Variants in APOB observed in about 807,000 individuals in gnomAD.
The protein encoded by APOB is apolipoprotein B.
In APOB, 153 loss-of-function variants were observed where a neutral mutation model predicts 314.1. That is an observed-to-expected ratio of 0.49 (90% confidence interval 0.43 to 0.56). The LOEUF (loss-of-function observed/expected upper bound fraction) is 0.56, where lower values mean the gene tolerates loss of function less well. Ranked by LOEUF, APOB falls within the 20% of genes least tolerant of loss-of-function variation. The probability of loss-of-function intolerance (pLI) is 0.00; values close to 1 mark genes in which losing one functional copy is unlikely to be tolerated. For missense variants in APOB, 5,430 were observed against 5,350.7 expected, an observed-to-expected ratio of 1.01 and a Z score of -0.46; for synonymous variants, 2,087 against 2,036.4, an observed-to-expected ratio of 1.02 and a Z score of -0.67.
chr2:21,023,814 T>C, intron 16 of APOB, 122 bp from the exon 17 acceptor site: 1 of 790,208 alleles, frequency 1.3e-6, no homozygotes, highest in Non-Finnish European at 1.9e-6. Flanking sequence ...GACTAGCATA[T>C]TTTGATGAGC....
At chr2:21,030,741 C>T (rs1311584346) in intron 10 of APOB, among the ~76,000 whole-genome samples, 2 of 151,044 alleles carry the variant, frequency 1.3e-5, no homozygotes, top group African/African-American at 4.8e-5. Context: ...GCAATTCAAA[C>T]AACTCAACAA....
chr2:21,008,904 G>C lies in APOB; in HGVS notation c.7964C>G (p.Thr2655Ser), dbSNP rs148987924. 1.7e-5 allele frequency: 27 copies of C among 1,614,074 alleles called. No individual in the cohort carries two copies. The highest frequency in any genetic ancestry group is 2.3e-5 in the Non-Finnish European group (27 of 1,179,934). ...AATTGTAAAGGAAGGAATGTGGAAG[G>C]TGTTAAGGATGGTAAATTCTGGTGT... ...FSTPEFTILNTFHIPSFTIDF... is the reference protein window; with the variant it reads ...FSTPEFTILNSFHIPSFTIDF... The change falls in exon 26 of 29, where the codon ACC (threonine) becomes AGC (serine). Residue 2655 changes from threonine to serine, a missense_variant. This residue lies in a region of APOB where 3,281 missense variants were observed against 3,171.0 expected (regional missense o/e 1.03). Coordinates refer to ENST00000233242, the MANE Select transcript of APOB (RefSeq NM_000384.3).
intron 23 of APOB, 110 bp downstream of exon 23, chr2:21,014,963 A>G: frequency 8.6e-7 from 1 of 1,167,348 alleles, no homozygotes; most frequent in Non-Finnish European, 1.3e-6. Flanking sequence ...CCTGGGGGGA[A>G]GGAAGCATGC....
At position 21,006,651 on chromosome 2, in the gene APOB, A is replaced by G. The variant is rs1200676121; in HGVS notation, c.10217T>C (p.Val3406Ala). Residue 3406 changes from valine (V) to alanine (A), a missense_variant, in exon 26 of 29, where the codon GTG becomes GCG. By Grantham distance (64) the Val-to-Ala change is moderately conservative. Around this residue, in one of 3 missense-constraint regions of APOB, gnomAD observed 3,281 missense variants for 3,171.0 expected, o/e 1.03. Coordinates refer to ENST00000233242, the MANE Select transcript of APOB (RefSeq NM_000384.3). ...CACAGTACTGTTATGACTACCCTCCACAAATTTGTTGCTCAGAGACAGAGC... is the reference window on the plus strand; with the variant it reads ...CACAGTACTGTTATGACTACCCTCCGCAAATTTGTTGCTCAGAGACAGAGC... ...ATALSLSNKF[V>A]EGSHNSTVSL... The G allele has an allele frequency of 6.2e-7, 1 of 1,614,090 alleles. No individual in the cohort carries two copies. The highest frequency in any genetic ancestry group is 1.1e-5 in the South Asian group (1 of 91,084).
chr2:21,025,145 T>C, intron 15 of APOB, 21 bp from the exon 16 acceptor site: 1 of 1,610,732 alleles, frequency 6.2e-7, no homozygotes, highest in Non-Finnish European at 8.5e-7. Flanking sequence ...AGTAATAAAA[T>C]GGCCAGTGAG....
At chr2:21,029,533 C>G (rs1663825177) in intron 12 of APOB, 106 bp downstream of exon 12, 2 of 1,268,956 alleles carry the variant, frequency 1.6e-6, no homozygotes, top group Admixed American at 1.7e-5. Context: ...AGGAAAGAAA[C>G]AGCAGAATAA....
chr2:21,025,151 G>T, intron 15 of APOB, 27 bp from the exon 16 acceptor site: 1 of 1,606,576 alleles, frequency 6.2e-7, no homozygotes, highest in Non-Finnish European at 8.5e-7. Context: ...AAAATGGCCA[G>T]TGAGATGTCA....
At position 21,011,954 on chromosome 2, in the gene APOB, A is replaced by T. The variant is rs899936604; in HGVS notation, c.4914T>A (p.Ser1638Arg). Residue 1638 changes from serine (S) to arginine (R), a missense_variant, in exon 26 of 29, where the codon AGT (serine) becomes AGA (arginine). By Grantham distance (110) the Ser-to-Arg change is moderately radical. This residue lies in a region of APOB where 2,085 missense variants were observed against 2,079.7 expected (regional missense o/e 1.00). Coordinates refer to ENST00000233242, the MANE Select transcript of APOB (RefSeq NM_000384.3). The stretch of plus-strand genomic sequence containing the variant: ...TCCTTAGTGTCGCCTTGTGAGCACC[A>T]CTATTAATTTTGTCAGTGCCTAAGA... Reference protein sequence around the residue: ...ADILGTDKINSGAHKATLRIG... With the variant: ...ADILGTDKINRGAHKATLRIG... 2 of 1,614,060 alleles carry T rather than the reference A, an allele frequency of 1.2e-6. No individual in the cohort carries two copies. The highest frequency in any genetic ancestry group is 2.7e-5 in the African/African-American group (2 of 75,038).
rs1354518734 is a variant in APOB, at chr2:21,038,098, G to C, written c.397C>G (p.Leu133Val). The change falls in exon 5 of 29, where the codon CTG becomes GTG. Residue 133 changes from leucine (L) to valine (V), a missense_variant. Physicochemically the swap from Leu to Val is conservative, Grantham distance 32 (BLOSUM62 1). Coordinates refer to ENST00000233242, the MANE Select transcript of APOB (RefSeq NM_000384.3). Reference sequence around the variant, plus strand: ...ACCTGCTTCCCTTCTGGAATGGCCAGCTTGAGCTCATACCTGTCCCAGAGA... The same window carrying C: ...ACCTGCTTCCCTTCTGGAATGGCCACCTTGAGCTCATACCTGTCCCAGAGA... ...AAAMSRYELK[L>V]AIPEGKQVFL... is the part of the protein sequence containing the mutation. 1 of 1,614,036 alleles carries C rather than the reference G, an allele frequency of 6.2e-7. No homozygotes were observed. Among genetic ancestry groups the C allele is most frequent in the Non-Finnish European group, 8.5e-7 (1 of 1,180,038 alleles).
chr2:21,008,536 C>T lies in APOB; in HGVS notation c.8332G>A (p.Gly2778Arg). 2 of 1,614,080 alleles carry T rather than the reference C, an allele frequency of 1.2e-6. No individual in the cohort carries two copies. Among genetic ancestry groups the T allele is most frequent in the African/African-American group, 2.7e-5 (2 of 75,010 alleles). The change falls in exon 26 of 29, where the codon GGG (glycine) becomes AGG (arginine). Residue 2778 changes from glycine to arginine, a missense_variant. Gly to Arg is a moderately radical substitution (Grantham distance 125, BLOSUM62 -2). Coordinates refer to ENST00000233242, the MANE Select transcript of APOB (RefSeq NM_000384.3). ...TCGTTTGCTGAGGTGGTTCCATTCC[C>T]TATGTCAGCATTTGCATCTAATGTG... ...LFTLDANADI[G>R]NGTTSANEAG...
chr2:21,013,365 G>C lies in APOB; in HGVS notation c.4011C>G (p.Val1337=). 6.2e-7 allele frequency: 1 copy of C among 1,614,216 alleles called. No individual in the cohort carries two copies. The highest frequency in any genetic ancestry group is 8.5e-7 in the Non-Finnish European group (1 of 1,180,042). ...GFHLPSREFQ[V]PTFTIPKLYQ... The stretch of plus-strand genomic sequence containing the variant: ...ACAACTTGGGAATGGTAAAAGTAGG[G>C]ACTTGGAACTCTCGAGATGGCAGAT... The change falls in exon 25 of 29, where the codon GTC becomes GTG. Residue 1337 remains valine, a synonymous_variant. Coordinates refer to ENST00000233242, the MANE Select transcript of APOB (RefSeq NM_000384.3).
Position 21,005,680 on chromosome 2 carries a change from A to G in APOB, c.11188T>C (p.Phe3730Leu), listed in dbSNP as rs1558560806. 2 of 1,613,990 alleles carry G rather than the reference A, an allele frequency of 1.2e-6. No individual in the cohort carries two copies. The highest frequency in any genetic ancestry group is 1.7e-6 in the Non-Finnish European group (2 of 1,179,970). ...TTTAGTTTCAGCCCAGGAATAATGAATTTATCAGCCAAAACTTTTACAGGG... is the reference window on the plus strand; with the variant it reads ...TTTAGTTTCAGCCCAGGAATAATGAGTTTATCAGCCAAAACTTTTACAGGG... ...SIPVKVLADKFIIPGLKLNDL... is the reference protein window; with the variant it reads ...SIPVKVLADKLIIPGLKLNDL... Residue 3730 changes from phenylalanine (F) to leucine (L), a missense_variant, in exon 26 of 29, where the codon TTC becomes CTC. By Grantham distance (22) the Phe-to-Leu change is conservative. Coordinates refer to ENST00000233242, the MANE Select transcript of APOB (RefSeq NM_000384.3).
Position 21,013,475 on chromosome 2 carries a change from G to A in APOB, c.3901C>T (p.Pro1301Ser). ...TCTCTGGAGGATTTGCCACCAAAAGGCAAAGGAATCTCAATTTTCAAACTG... is the reference window on the plus strand; with the variant it reads ...TCTCTGGAGGATTTGCCACCAAAAGACAAAGGAATCTCAATTTTCAAACTG... The part of the protein sequence containing the change: ...KNSLKIEIPL[P>S]FGGKSSRDLK... Residue 1301 changes from proline to serine, a missense_variant, in exon 25 of 29, where the codon CCT becomes TCT. This residue lies in a region of APOB where 2,085 missense variants were observed against 2,079.7 expected (regional missense o/e 1.00). Transcript: ENST00000233242. 1.2e-6 allele frequency: 2 copies of A among 1,614,176 alleles called. No individual in the cohort carries two copies. Among genetic ancestry groups the A allele is most frequent in the Non-Finnish European group, 1.7e-6 (2 of 1,180,014 alleles).
In APOB at chr2:21,005,477, T is replaced by C. The variant is rs140002021; in HGVS notation, c.11391A>G (p.Leu3797=). Reference sequence around the variant, plus strand: ...AGTCTTCTGGTTGAGAATATTTTGTTAACACATCAACTTCAGGGAATTTTA... The same window carrying C: ...AGTCTTCTGGTTGAGAATATTTTGTCAACACATCAACTTCAGGGAATTTTA... The part of the protein sequence containing the change: ...PEVKFPEVDV[L]TKYSQPEDSL... The change falls in exon 26 of 29, where the codon TTA becomes TTG. Residue 3797 remains leucine, a synonymous_variant. Coordinates refer to ENST00000233242, the MANE Select transcript of APOB (RefSeq NM_000384.3). 3.8e-5 allele frequency: 62 copies of C among 1,613,972 alleles called. No individual in the cohort carries two copies. Among genetic ancestry groups the C allele is most frequent in the Non-Finnish European group, 4.7e-5 (55 of 1,179,976 alleles).
At position 21,010,470 on chromosome 2, in the gene APOB, C is replaced by T. The variant is rs1663276802; in HGVS notation, c.6398G>A (p.Arg2133Lys). Residue 2133 changes from arginine to lysine, a missense_variant, in exon 26 of 29, where the codon AGA becomes AAA. Transcript: ENST00000233242. ...NDYLNSFNWE[R>K]QVSHAKEKLT... ...TTTCTCCTTGGCATGTGAAACTTGT[C>T]TCTCCCAATTGAATGAATTCAGATA... 1 of 1,610,656 alleles carries T rather than the reference C, an allele frequency of 6.2e-7. No individual in the cohort carries two copies. The highest frequency in any genetic ancestry group is 8.5e-7 in the Non-Finnish European group (1 of 1,177,552).
chr2:21,028,622 GCTCTTTCTTAAGCACAGGTCTAATTTCTC>G, intron 12 of APOB, 84 bp from the exon 13 acceptor site: 1 of 937,500 alleles, frequency 1.1e-6, no homozygotes, highest in Non-Finnish European at 1.7e-6. Context: ...TTGTCTGCTA[GCTCTTTCTTAAGCACAGGTCTAATTTCTC>G]TGTAATCGTT....
chr2:21,008,171 G>C lies in APOB; in HGVS notation c.8697C>G (p.Asp2899Glu), dbSNP rs1663202973. Residue 2899 changes from aspartate (D) to glutamate (E), a missense_variant, in exon 26 of 29, where the codon GAC (aspartate) becomes GAG (glutamate). Asp to Glu is a conservative substitution (Grantham distance 45). Coordinates refer to ENST00000233242, the MANE Select transcript of APOB (RefSeq NM_000384.3). Reference protein sequence around the residue: ...YFHKLNIPKLDFSSQADLRNE... With the variant: ...YFHKLNIPKLEFSSQADLRNE... ...TGCGCAGGTCAGCCTGACTAGAGAA[G>C]TCCAGTTTGGGGATGTTCAATTTGT... 6.2e-7 allele frequency: 1 copy of C among 1,614,056 alleles called. No individual in the cohort carries two copies. The highest frequency in any genetic ancestry group is 8.5e-7 in the Non-Finnish European group (1 of 1,179,978).
chr2:21,029,187 C>G (rs935482997), intron 12 of APOB, among the ~76,000 whole-genome samples: 1 of 152,204 alleles, frequency 6.6e-6, no homozygotes, highest in Non-Finnish European at 1.5e-5. Flanking sequence ...CAGTGGCTCA[C>G]GCCTGTAATC....
chr2:21,043,416 A>G (rs1664181471), intron 2 of APOB, 97 bp downstream of exon 2: 3 of 1,409,420 alleles, frequency 2.1e-6, no homozygotes, highest in East Asian at 2.5e-5. Context: ...CCACGATGCC[A>G]TCTCAGCCCT....
Sources: gnomAD v4.1 joint callset for allele counts (sites outside exome capture counted in the v4.1 genomes callset) on GRCh38, gnomAD v4.1.1 for gene constraint, gnomAD v4.1.1 regional missense constraint, MANE v1.5 for transcripts, NCBI Gene and HGNC (gene_info 2026-07-23, HGNC 2026-07-21) for gene names.